VAC14: variants seen among roughly 807,000 people sequenced by gnomAD.
VAC14 encodes VAC14 component of PIKFYVE complex.
In VAC14, 47 loss-of-function variants were observed where a neutral mutation model predicts 85.3. That is an observed-to-expected ratio of 0.55 (90% CI 0.44 to 0.70). The LOEUF is 0.70. VAC14 is among the 30% of genes least tolerant of loss of function. VAC14 has a pLI of 0.00. For missense variants in VAC14, 861 were observed against 1,004.3 expected (o/e 0.86, Z 1.93); for synonymous variants, 447 against 430.5 (o/e 1.04, Z -0.47).
At chr16:70,757,966 C>T (rs1287545771) in intron 12 of VAC14, among the ~76,000 whole-genome samples, 3 of 152,228 alleles carry the variant, frequency 2.0e-5, no homozygotes, top group Non-Finnish European at 4.4e-5. Context: ...ACTTCCTGAA[C>T]CCAAAGCCCG....
intron 12 of VAC14, among the ~76,000 whole-genome samples, chr16:70,757,109 C>T (rs1288168149): frequency 2.0e-5 from 3 of 152,182 alleles, no homozygotes; most frequent in Non-Finnish European, 4.4e-5. Flanking sequence ...GGTTGAGACT[C>T]TTCTCCAAAG....
chr16:70,788,897 C>T (rs780434862), intron 1 of VAC14, among the ~76,000 whole-genome samples: 7 of 152,248 alleles, frequency 4.6e-5, no homozygotes, highest in Admixed American at 3.9e-4. Flanking sequence ...TGGAACCACA[C>T]TTCCCTGCTA....
chr16:70,737,393 G>T (rs1173556456), intron 13 of VAC14, among the ~76,000 whole-genome samples: 2 of 152,274 alleles, frequency 1.3e-5, no homozygotes, highest in South Asian at 2.1e-4. Context: ...GAGGGAGAGG[G>T]GGGCCCACAA....
At chr16:70,760,484 A>T (rs188727645) in intron 12 of VAC14, among the ~76,000 whole-genome samples, 1 of 152,246 alleles carries the variant, frequency 6.6e-6, no homozygotes, top group Admixed American at 6.5e-5. Flanking sequence ...ACTAATGATG[A>T]AGGTCCCCAA....
At chr16:70,750,145 T>C (rs1431598951) in intron 12 of VAC14, among the ~76,000 whole-genome samples, 1 of 152,124 alleles carries the variant, frequency 6.6e-6, no homozygotes, top group African/African-American at 2.4e-5. Context: ...GCCCGAGAGC[T>C]AAAGACACGC....
At chr16:70,727,529 G>A (rs758346769) in intron 14 of VAC14, among the ~76,000 whole-genome samples, 35 of 152,238 alleles carry the variant, frequency 2.3e-4, no homozygotes, top group Non-Finnish European at 3.7e-4. Flanking sequence ...TAGTAGAAAC[G>A]GGGTTTCGCT....
chr16:70,743,991 C>G (rs1419001610), intron 13 of VAC14, among the ~76,000 whole-genome samples: 1 of 152,042 alleles, frequency 6.6e-6, no homozygotes, highest in Non-Finnish European at 1.5e-5. Context: ...CGTCTCCTGC[C>G]TGGGCTGCCT....
chr16:70,762,540 CTCATCCGAT>C lies in VAC14; in HGVS notation c.1362_1370del (p.Ser455_Glu457del). 2 of 1,614,098 alleles carry C rather than the reference CTCATCCGAT, an allele frequency of 1.2e-6. No individual in the cohort carries two copies. Among genetic ancestry groups the C allele is most frequent in the Non-Finnish European group, 1.7e-6 (2 of 1,179,958 alleles). The stretch of plus-strand genomic sequence containing the variant: ...AGTACGGGTGGCGTTGGTGACCTAC[CTCATCCGAT>C]TCATCCGATAACGTCTGCAGTAGGA... On this transcript the variant is annotated inframe_deletion and splice_region_variant, in exon 12 of 19. Transcript: ENST00000261776. This position sits in a 1 kb window ranked among gnomAD's most constrained non-coding sequence, Gnocchi z 4.1.
intron 13 of VAC14, among the ~76,000 whole-genome samples, chr16:70,741,837 C>T (rs150826696): frequency 1.7e-3 from 252 of 152,318 alleles, no homozygotes; most frequent in East Asian, 7.3e-3. Flanking sequence ...CCTATCTTGG[C>T]ACGGCCAGGA....
rs2053643818 is a variant in VAC14, at chr16:70,693,597, CG to C, written c.2036-627del. 2.0e-5 allele frequency among the ~76,000 whole-genome samples: 3 copies of C among 152,182 alleles called. No homozygotes were observed. The South Asian group carries it at 6.2e-4, about 32-fold the overall frequency. On this transcript the variant is annotated intron_variant, in intron 17 of 18. Transcript: ENST00000261776. ...CCCTGGCGGGGGAAAGAGATGCACC[CG>C]GGGGGCTGCCCAGCACTCATTCCAG...
At chr16:70,745,660 T>G (rs1048666895) in intron 12 of VAC14, among the ~76,000 whole-genome samples, 9 of 152,154 alleles carry the variant, frequency 5.9e-5, no homozygotes, top group African/African-American at 2.2e-4. Context: ...TGCCCCTCAC[T>G]CCTCTCTTGC....
At chr16:70,708,055 GC>G (rs2053955691) in intron 14 of VAC14, among the ~76,000 whole-genome samples, 1 of 152,194 alleles carries the variant, frequency 6.6e-6, no homozygotes, top group African/African-American at 2.4e-5. Flanking sequence ...CTTCCAAAGT[GC>G]TGGGATGACA....
intron 10 of VAC14, among the ~76,000 whole-genome samples, chr16:70,766,903 C>A (rs1207505186): frequency 1.3e-5 from 2 of 152,170 alleles, no homozygotes; most frequent in Non-Finnish European, 2.9e-5. Flanking sequence ...CTAGAGGGCA[C>A]ACTGCATGAT....
At chr16:70,737,154 G>A (rs139725916) in intron 13 of VAC14, among the ~76,000 whole-genome samples, 22 of 152,308 alleles carry the variant, frequency 1.4e-4, no homozygotes, top group African/African-American at 4.6e-4. Context: ...GCTGATTTCC[G>A]CCTCACTGCT....
At chr16:70,717,657 T>C (rs190069696) in intron 14 of VAC14, among the ~76,000 whole-genome samples, 4 of 152,218 alleles carry the variant, frequency 2.6e-5, no homozygotes, top group African/African-American at 9.6e-5. Flanking sequence ...ATTCATTTTT[T>C]TCTTTTTCTT....
intron 3 of VAC14, 121 bp from the exon 4 acceptor site, chr16:70,784,959 A>C: frequency 1.2e-6 from 1 of 853,594 alleles, no homozygotes; most frequent in Non-Finnish European, 2.0e-6. Flanking sequence ...TCTAGCAAGA[A>C]CATCACCCTT....
rs113527404 is a variant in VAC14 at position 70,738,954 on chromosome 16, C to A, written c.1528+5469G>T. Reference sequence around the variant, plus strand: ...ACAGATGTGAACTTCACCACCCACCCAGGCAGCCTGAGATAAGCAAGTGTG... The same window carrying A: ...ACAGATGTGAACTTCACCACCCACCAAGGCAGCCTGAGATAAGCAAGTGTG... On this transcript the variant is annotated intron_variant, in intron 13 of 18. Coordinates refer to ENST00000261776, the MANE Select transcript of VAC14 (RefSeq NM_018052.5). Among the ~76,000 whole-genome samples, 24 of 152,344 alleles carry A rather than the reference C, an allele frequency of 1.6e-4. 1 individual carries two copies. The highest frequency in any genetic ancestry group is 5.5e-4 in the African/African-American group (23 of 41,590).
At chr16:70,755,229 AG>A in intron 12 of VAC14, 6 of 340,546 alleles carry the variant, frequency 1.8e-5, no homozygotes, top group South Asian at 6.4e-5. Context: ...TGAGCCCTGG[AG>A]GGGGGCTAGG....
At chr16:70,780,471 G>C (rs1346083227) in intron 9 of VAC14, among the ~76,000 whole-genome samples, 1 of 152,164 alleles carries the variant, frequency 6.6e-6, no homozygotes, top group African/African-American at 2.4e-5. Context: ...CCAGGAAAAA[G>C]ATGAAGGAAA....
Sources: gnomAD v4.1 joint callset for allele counts (sites outside exome capture counted in the v4.1 genomes callset) on GRCh38, gnomAD v4.1.1 for gene constraint, Gnocchi (gnomAD v3.1) non-coding constraint, MANE v1.5 for transcripts, NCBI Gene and HGNC (gene_info 2026-07-23, HGNC 2026-07-21) for gene names.